HECTD4: variants seen among roughly 807,000 people sequenced by gnomAD.
HECTD4 encodes the protein HECT domain E3 ubiquitin protein ligase 4, also known as probable E3 ubiquitin-protein ligase HECTD4.
A neutral mutation model predicts 471.5 loss-of-function variants in HECTD4; 114 were observed. That is an observed-to-expected ratio of 0.24 (90% CI 0.21 to 0.28). HECTD4 has a LOEUF of 0.28. HECTD4 is among the 10% of genes least tolerant of loss of function. HECTD4 has a pLI of 1.00. For missense variants in HECTD4, 3,866 were observed against 5,651.5 expected (o/e 0.68, Z 10.13); for synonymous variants, 2,012 against 2,256.0 (o/e 0.89, Z 3.07).
In HECTD4 at chr12:112,193,487, C is replaced by A; in HGVS notation, c.8937G>T (p.Gln2979His). 1 of 1,609,626 alleles carries A rather than the reference C, an allele frequency of 6.2e-7. No individual in the cohort carries two copies. Among genetic ancestry groups the A allele is most frequent in the South Asian group, 1.1e-5 (1 of 89,832 alleles). ...CTTCTACCTGCAGGAAAGAGCAGAT[C>A]TGTTTCGTCAGCTCTAAAAGGCTCT... ...GEESLLELTK[Q>H]ICSFLQTAPE... is the part of the protein sequence containing the mutation. The change falls in exon 57 of 76, where the codon CAG becomes CAT. Residue 2979 changes from glutamine (Q) to histidine (H), a missense_variant. By Grantham distance (24) the Gln-to-His change is conservative. This residue lies in a region of HECTD4 where 364 missense variants were observed against 413.2 expected (regional missense o/e 0.88). Coordinates refer to ENST00000682272, the MANE Select transcript of HECTD4 (RefSeq NM_001388303.1). This position sits in a 1 kb window ranked among gnomAD's most constrained non-coding sequence, Gnocchi z 5.2.
chr12:112,306,774 G>C (rs141629666), intron 6 of HECTD4, among the ~76,000 whole-genome samples: 1 of 152,252 alleles, frequency 6.6e-6, no homozygotes, highest in East Asian at 1.9e-4. Context: ...TGAGAAGAGG[G>C]AGAAGGAGAA....
intron 21 of HECTD4, 134 bp downstream of exon 21, chr12:112,256,186 T>C: frequency 1.7e-6 from 1 of 584,562 alleles, no homozygotes; most frequent in South Asian, 3.8e-5. Context: ...AACTTTATCT[T>C]AGGAAAGTTC....
Position 112,163,105 on chromosome 12 carries a change from C to G in HECTD4, c.13057G>C (p.Gly4353Arg), listed in dbSNP as rs1229690708. The stretch of plus-strand genomic sequence containing the variant: ...GGGGGCACATGGGCAGTGTCGGGAC[C>G]CCCATCTTTGCAGGGGCAGGTGAAC... ...IPFTCPCKDG[G>R]PDTAHVPPYP... The change falls in exon 75 of 76, where the codon GGT becomes CGT. Residue 4353 changes from glycine (G) to arginine (R), a missense_variant. Coordinates refer to ENST00000682272, the MANE Select transcript of HECTD4 (RefSeq NM_001388303.1). The surrounding 1 kb of genome is among the most constrained non-coding windows in gnomAD (Gnocchi z 8.2). 1.2e-6 allele frequency: 2 copies of G among 1,613,950 alleles called. No homozygotes were observed. The highest frequency in any genetic ancestry group is 3.3e-5 in the Admixed American group (2 of 60,018).
intron 1 of HECTD4, among the ~76,000 whole-genome samples, chr12:112,323,280 A>G (rs1005063695): frequency 6.6e-6 from 1 of 152,206 alleles, no homozygotes; most frequent in Non-Finnish European, 1.5e-5. Context: ...AAATGACTTA[A>G]TCTTTATTGG....
chr12:112,165,565 A>G (rs554107825), intron 72 of HECTD4, among the ~76,000 whole-genome samples: 3 of 150,732 alleles, frequency 2.0e-5, no homozygotes, highest in African/African-American at 7.3e-5. Flanking sequence ...GTTAGCCAGG[A>G]TGGTCTCAAT....
Position 112,381,784 on chromosome 12 carries a change from C to G in HECTD4, c.177+168G>C, listed in dbSNP as rs528777612. Among the ~76,000 whole-genome samples the G allele has an allele frequency of 6.6e-6, 1 of 151,972 alleles. No individual in the cohort carries two copies. The highest frequency in any genetic ancestry group is 2.0e-4 in the East Asian group (1 of 5,118). On this transcript the variant is annotated intron_variant, in intron 1 of 75. Coordinates refer to ENST00000682272, the MANE Select transcript of HECTD4 (RefSeq NM_001388303.1). The surrounding 1 kb of genome is among the most constrained non-coding windows in gnomAD (Gnocchi z 4.1). ...AGGGAGGGAGAGCGGGGCGGGCGGT[C>G]CGCAGACCTGCGGCCGCGGCCCCAC...
intron 1 of HECTD4, among the ~76,000 whole-genome samples, chr12:112,332,494 T>G (rs1224828757): frequency 6.7e-6 from 1 of 149,516 alleles, no homozygotes; most frequent in Non-Finnish European, 1.5e-5. Flanking sequence ...TGAGCCAAGA[T>G]TGTGCCACTG....
intron 5 of HECTD4, among the ~76,000 whole-genome samples, chr12:112,309,289 A>G (rs1188388485): frequency 6.6e-6 from 1 of 152,232 alleles, no homozygotes; most frequent in Non-Finnish European, 1.5e-5. Flanking sequence ...ATTGTTACAA[A>G]AATACTGATC....
At chr12:112,276,954 A>G (rs1040189166) in intron 9 of HECTD4, among the ~76,000 whole-genome samples, 15 of 152,236 alleles carry the variant, frequency 9.9e-5, no homozygotes, top group African/African-American at 3.6e-4. Context: ...GTGAGGATGT[A>G]GAGAAAATAG....
rs563236573 is a variant in HECTD4, at chr12:112,375,855, G to C, written c.177+6097C>G. 9.2e-5 allele frequency among the ~76,000 whole-genome samples: 14 copies of C among 151,742 alleles called. No individual in the cohort carries two copies. The South Asian group carries it at 2.9e-3, about 32-fold the overall frequency. On this transcript the variant is annotated intron_variant, in intron 1 of 75. Coordinates refer to ENST00000682272, the MANE Select transcript of HECTD4 (RefSeq NM_001388303.1). ...AGGTAGAGGCGGCTGGATCACTTGA[G>C]GTCAGCAGTTCAAGTCCACCCTGGC...
intron 1 of HECTD4, among the ~76,000 whole-genome samples, chr12:112,367,570 A>G (rs2036588406): frequency 6.6e-6 from 1 of 151,948 alleles, no homozygotes; most frequent in Non-Finnish European, 1.5e-5. Flanking sequence ...CTGTAATTCC[A>G]GCACTTTGGG....
At chr12:112,373,309 G>C (rs570877158) in intron 1 of HECTD4, among the ~76,000 whole-genome samples, 1 of 152,308 alleles carries the variant, frequency 6.6e-6, no homozygotes, top group East Asian at 1.9e-4. Context: ...GGAGGCCAAG[G>C]AGGGTGGATC....
At chr12:112,290,835 C>T (rs993494451) in intron 7 of HECTD4, among the ~76,000 whole-genome samples, 16 of 128,700 alleles carry the variant, frequency 1.2e-4, no homozygotes, top group Admixed American at 1.1e-3. Flanking sequence ...GCAACAAGAG[C>T]GAAACTCCGT....
At chr12:112,200,034 T>C (rs1268604446) in intron 55 of HECTD4, among the ~76,000 whole-genome samples, 2 of 152,222 alleles carry the variant, frequency 1.3e-5, no homozygotes, top group African/African-American at 2.4e-5. Context: ...CCGGTTGAGA[T>C]TGCATTGCAG....
Position 112,228,899 on chromosome 12 carries a change from GTTGTCATTGTTGGCGT to G in HECTD4, c.6520-104_6520-89del, listed in dbSNP as rs1166878019. On this transcript the variant is annotated intron_variant, in intron 41 of 75. Transcript: ENST00000682272. The surrounding 1 kb of genome is among the most constrained non-coding windows in gnomAD (Gnocchi z 4.9). ...GACAAGAGGAAAAAGTAAATTTATA[GTTGTCATTGTTGGCGT>G]TACAGTAATAGTTTATACTACTAGG... 23 of 1,250,518 alleles carry G rather than the reference GTTGTCATTGTTGGCGT, an allele frequency of 1.8e-5. No individual in the cohort carries two copies. The highest frequency in any genetic ancestry group is 1.4e-4 in the East Asian group (6 of 43,116). The allele number at this position is 1,250,518 out of a possible 1,614,324, so 77.5% of individuals were successfully genotyped here.
chr12:112,345,678 G>A (rs1480331611), intron 1 of HECTD4, among the ~76,000 whole-genome samples: 9 of 152,138 alleles, frequency 5.9e-5, no homozygotes, highest in Admixed American at 3.9e-4. Flanking sequence ...GGTGGCTCAC[G>A]AGGTCAGGAG....
chr12:112,253,769 G>A (rs1010311606), intron 22 of HECTD4, among the ~76,000 whole-genome samples: 4 of 152,306 alleles, frequency 2.6e-5, no homozygotes, highest in African/African-American at 9.6e-5. Flanking sequence ...GGAAGATCTA[G>A]CAACCCTTTT....
rs200457096 is a variant in HECTD4, at chr12:112,169,658, C to T, written c.12053G>A (p.Gly4018Glu). 3.2e-5 allele frequency: 52 copies of T among 1,612,846 alleles called. No homozygotes were observed. The highest frequency in any genetic ancestry group is 4.3e-5 in the Non-Finnish European group (51 of 1,179,894). Residue 4018 changes from glycine (G) to glutamate (E), a missense_variant and splice_region_variant, in exon 70 of 76, where the codon GGG (glycine) becomes GAG (glutamate). Around this residue, in one of 16 missense-constraint regions of HECTD4, gnomAD observed 715 missense variants for 1,087.6 expected, o/e 0.66. Coordinates refer to ENST00000682272, the MANE Select transcript of HECTD4 (RefSeq NM_001388303.1). ...GGAGTTTTCAGAAGCTCTGATTTCC[C>T]CTGGAAAGTGAGATGAGCTGATCAA... is the stretch of plus-strand genomic sequence containing the variant. Reference protein sequence around the residue: ...ITLDPLEIVGGEIRASENSYF... With the variant: ...ITLDPLEIVGEEIRASENSYF...
intron 60 of HECTD4, among the ~76,000 whole-genome samples, chr12:112,189,348 C>T (rs772514537): frequency 1.3e-5 from 2 of 151,766 alleles, no homozygotes; most frequent in South Asian, 2.1e-4. Context: ...GTCAGGAGAT[C>T]GAGACTATCC....
Sources: allele counts gnomAD v4.1 joint callset (sites outside exome capture counted in the v4.1 genomes callset), GRCh38; gene constraint gnomAD v4.1.1; regional missense constraint gnomAD v4.1.1; non-coding constraint Gnocchi (gnomAD v3.1); transcripts MANE v1.5; gene names NCBI Gene and HGNC (gene_info 2026-07-23, HGNC 2026-07-21).